NUP153: variants seen among roughly 807,000 people sequenced by gnomAD.
The protein encoded by NUP153 is nuclear pore complex protein Nup153.
A neutral mutation model predicts 134.6 loss-of-function variants in NUP153; 27 were observed. That is an observed-to-expected ratio of 0.20 (90% CI 0.15 to 0.28). The LOEUF (loss-of-function observed/expected upper bound fraction) is 0.28. Ranked by LOEUF, NUP153 falls within the 10% of genes least tolerant of loss-of-function variation. NUP153 has a pLI of 1.00. For synonymous variants in NUP153, 640 were observed against 623.5 expected (o/e 1.03, Z -0.40); for missense variants, 1,821 against 1,731.3 (o/e 1.05, Z -0.92).
In NUP153 at chr6:17,706,565, G is replaced by C. The variant is rs941495727; in HGVS notation, c.-178C>G. ...GAGGTTGCGAGCAGGAGCGGAGAGAGGGTGAGTGCTGGCAGCGGGGAAGGG... is the reference window on the plus strand; with the variant it reads ...GAGGTTGCGAGCAGGAGCGGAGAGACGGTGAGTGCTGGCAGCGGGGAAGGG... On this transcript the variant is annotated 5_prime_UTR_variant, in exon 1 of 22. Coordinates refer to ENST00000262077, the MANE Select transcript of NUP153 (RefSeq NM_005124.4). This position sits in a 1 kb window ranked among gnomAD's most constrained non-coding sequence, Gnocchi z 5.9. 2 of 588,782 alleles carry C rather than the reference G, an allele frequency of 3.4e-6. 1 individual carries two copies. The highest frequency in any genetic ancestry group is 3.9e-5 in the African/African-American group (2 of 51,082). 36.5% of individuals were successfully genotyped at this position (588,782 alleles called of 1,614,324 possible).
rs757751536 is a variant in NUP153 at position 17,637,196 on chromosome 6, A to T, written c.2421T>A (p.Asn807Lys). The T allele has an allele frequency of 1.2e-6, 2 of 1,614,072 alleles. No homozygotes were observed. The highest frequency in any genetic ancestry group is 3.3e-5 in the Admixed American group (2 of 60,022). ...AGGACACACACTTATTGTCTTCTGCATTATTAGAAACACAGCATACTGAAC... is the reference window on the plus strand; with the variant it reads ...AGGACACACACTTATTGTCTTCTGCTTTATTAGAAACACAGCATACTGAAC... ...WECSVCCVSN[N>K]AEDNKCVSCM... Residue 807 changes from asparagine to lysine, a missense_variant, in exon 16 of 22, where the codon AAT becomes AAA. Asn to Lys is a moderately conservative substitution (Grantham distance 94). Transcript: ENST00000262077.
At chr6:17,663,246 CACACACACACACACAT>C (rs1767307669) in intron 9 of NUP153, among the ~76,000 whole-genome samples, 1 of 134,188 alleles carries the variant, frequency 7.5e-6, no homozygotes, top group South Asian at 2.3e-4. Context: ...CACACACACA[CACACACACACACACAT>C]ATATATATAT....
Position 17,619,699 on chromosome 6 carries a change from T to C in NUP153, c.4175-3004A>G, listed in dbSNP as rs566191615. 3 of 152,310 alleles carry C rather than the reference T, an allele frequency of 2.0e-5. No homozygotes were observed. The East Asian group carries it at 5.8e-4, about 29-fold the overall frequency. 9.4% of individuals were successfully genotyped at this position (152,310 alleles called of 1,614,324 possible). ...CAAATGTAAAGACATCCTATATTCA[T>C]GGATCAGAAGAACTATTATTGTTAA... On this transcript the variant is annotated intron_variant, in intron 20 of 21. Coordinates refer to ENST00000262077, the MANE Select transcript of NUP153 (RefSeq NM_005124.4).
Position 17,615,446 on chromosome 6 carries a change from TAATAA to T in NUP153, c.*646_*650del, listed in dbSNP as rs1764264839. 1 of 152,592 alleles carries T rather than the reference TAATAA, an allele frequency of 6.6e-6. No individual in the cohort carries two copies. The highest frequency in any genetic ancestry group is 6.5e-5 in the Admixed American group (1 of 15,280). The allele number at this position is 152,592 out of a possible 1,614,324, so 9.5% of individuals were successfully genotyped here. On this transcript the variant is annotated 3_prime_UTR_variant, in exon 22 of 22. Transcript: ENST00000262077. This position sits in a 1 kb window ranked among gnomAD's most constrained non-coding sequence, Gnocchi z 5.7. ...CAAAATTGTATTTACACAAGTTTCATAATAAAATAATGAAAAAGGCAAGACAGGTG... is the reference window on the plus strand; with the variant it reads ...CAAAATTGTATTTACACAAGTTTCATAATAATGAAAAAGGCAAGACAGGTG...
intron 14 of NUP153, among the ~76,000 whole-genome samples, chr6:17,642,166 G>A (rs371255123): frequency 2.6e-5 from 4 of 152,092 alleles, no homozygotes; most frequent in African/African-American, 9.7e-5. Flanking sequence ...TCAAGACCAT[G>A]GATTTGGCAA....
At chr6:17,676,216 G>A (rs1249207388) in intron 2 of NUP153, among the ~76,000 whole-genome samples, 1 of 152,114 alleles carries the variant, frequency 6.6e-6, no homozygotes, top group Non-Finnish European at 1.5e-5. Flanking sequence ...TATGATGCAG[G>A]AGTAAAGAAA....
intron 20 of NUP153, among the ~76,000 whole-genome samples, chr6:17,618,780 A>C (rs1248747063): frequency 2.0e-5 from 3 of 152,120 alleles, no homozygotes; most frequent in South Asian, 2.1e-4. Flanking sequence ...GTTAGCCAGG[A>C]TGGTCTCGAT....
In NUP153 at chr6:17,680,076, C is replaced by T. The variant is rs536001212; in HGVS notation, c.335-4306G>A. Among the ~76,000 whole-genome samples, 4 of 152,274 alleles carry T rather than the reference C, an allele frequency of 2.6e-5. No individual in the cohort carries two copies. In the South Asian group the frequency reaches 8.3e-4, roughly 32 times the overall value. ...GCGCTTTGCCTAATAAAAAAAATTC[C>T]TACTGGCTTTTTCCGGGAAGCCAGG... On this transcript the variant is annotated intron_variant, in intron 2 of 21. Coordinates refer to ENST00000262077, the MANE Select transcript of NUP153 (RefSeq NM_005124.4). The surrounding 1 kb of genome is among the most constrained non-coding windows in gnomAD (Gnocchi z 4.5).
At chr6:17,667,487 G>A (rs1327479336) in intron 8 of NUP153, among the ~76,000 whole-genome samples, 1 of 152,178 alleles carries the variant, frequency 6.6e-6, no homozygotes, top group African/African-American at 2.4e-5. Flanking sequence ...GGCCGAGGCG[G>A]GCGGATCACG....
chr6:17,681,314 A>AGGC (rs1395867252), intron 2 of NUP153, among the ~76,000 whole-genome samples: 1 of 152,080 alleles, frequency 6.6e-6, no homozygotes, highest in Non-Finnish European at 1.5e-5. Flanking sequence ...GGTTACCAGA[A>AGGC]GGCGGCTCAT....
At chr6:17,695,237 TAA>T (rs1432279213) in intron 1 of NUP153, among the ~76,000 whole-genome samples, 2 of 152,330 alleles carry the variant, frequency 1.3e-5, no homozygotes, top group East Asian at 3.9e-4. Context: ...ATAAAAGGAC[TAA>T]AACAGTGGTT....
chr6:17,662,498 G>A (rs1367037722), intron 9 of NUP153, among the ~76,000 whole-genome samples: 1 of 152,114 alleles, frequency 6.6e-6, no homozygotes, highest in African/African-American at 2.4e-5. Context: ...GCTGGGGCAG[G>A]AAATGCATGT....
chr6:17,654,086 T>TG (rs1766663103), intron 11 of NUP153, among the ~76,000 whole-genome samples: 1 of 152,230 alleles, frequency 6.6e-6, no homozygotes. Flanking sequence ...ACTGCTACTG[T>TG]GTGTATACGC....
intron 5 of NUP153, among the ~76,000 whole-genome samples, chr6:17,672,689 C>T (rs1767990451): frequency 6.6e-6 from 1 of 151,878 alleles, no homozygotes; most frequent in African/African-American, 2.4e-5. Flanking sequence ...AAACAAAAAA[C>T]AAAAAACAAA....
rs376244443 is a variant in NUP153 at position 17,646,918 on chromosome 6, CTTTTTTTTTT to C, written c.1633-774_1633-765del. ...CCATGCCTGGCTAATTCTGTATTTT[CTTTTTTTTTT>C]TTTTTTTTAGTAGAGACGAGGTTCC... On this transcript the variant is annotated intron_variant, in intron 13 of 21. Transcript: ENST00000262077. Among the ~76,000 whole-genome samples the C allele has an allele frequency of 2.8e-4, 37 of 131,100 alleles. 1 individual carries two copies. Among genetic ancestry groups the C allele is most frequent in the Admixed American group, 3.9e-4 (5 of 12,756 alleles). 86.0% of individuals were successfully genotyped at this position (131,100 alleles called of 152,430 possible). A position where few individuals can be genotyped will look rare whatever the true frequency, so the allele number is the denominator to read the frequency against.
At chr6:17,696,402 A>T (rs1487433181) in intron 1 of NUP153, among the ~76,000 whole-genome samples, 1 of 152,204 alleles carries the variant, frequency 6.6e-6, no homozygotes, top group Non-Finnish European at 1.5e-5. Context: ...AGGTCTTTAC[A>T]GGAAATAAGC....
chr6:17,654,007 T>TA (rs1213812526), intron 11 of NUP153, among the ~76,000 whole-genome samples: 1 of 152,010 alleles, frequency 6.6e-6, no homozygotes, highest in Non-Finnish European at 1.5e-5. Context: ...CACCAAAAAA[T>TA]AAAAAAAGAT....
intron 1 of NUP153, among the ~76,000 whole-genome samples, chr6:17,688,969 T>C (rs1180099739): frequency 1.3e-5 from 2 of 152,144 alleles, no homozygotes; most frequent in South Asian, 4.1e-4. Context: ...TTTCCCAGTA[T>C]GTTAAAACAT....
At chr6:17,693,357 A>T (rs1007927754) in intron 1 of NUP153, among the ~76,000 whole-genome samples, 2 of 152,060 alleles carry the variant, frequency 1.3e-5, no homozygotes, top group African/African-American at 4.8e-5. Context: ...AACACTAGAT[A>T]TTAGAGAATG....
Sources: gnomAD v4.1 joint callset for allele counts (sites outside exome capture counted in the v4.1 genomes callset) on GRCh38, gnomAD v4.1.1 for gene constraint, Gnocchi (gnomAD v3.1) non-coding constraint, MANE v1.5 for transcripts, NCBI Gene and HGNC (gene_info 2026-07-23, HGNC 2026-07-21) for gene names.